Variants in RHOBTB1 observed in about 807,000 individuals in gnomAD.
RHOBTB1 encodes the protein Rho related BTB domain containing 1, also known as rho-related BTB domain-containing protein 1.
A neutral mutation model predicts 71.6 loss-of-function variants in RHOBTB1; 40 were observed. The ratio of observed to expected loss-of-function variants is 0.56; its 90% confidence interval spans 0.43 to 0.73. The LOEUF is 0.73. Among genes scored for constraint, RHOBTB1 ranks in the 30% least tolerant of loss-of-function variants. RHOBTB1 has a pLI of 0.00. For synonymous variants in RHOBTB1, 319 were observed against 334.9 expected (o/e 0.95, Z 0.52); for missense variants, 797 against 894.0 (o/e 0.89, Z 1.38).
In RHOBTB1 at chr10:60,870,687, T is replaced by C. The variant is rs771218001; in HGVS notation, c.*795A>G. 6.6e-6 allele frequency: 1 copy of C among 152,484 alleles called. No homozygotes were observed. The highest frequency in any genetic ancestry group is 1.5e-5 in the Non-Finnish European group (1 of 68,046). 9.4% of individuals were successfully genotyped at this position (152,484 alleles called of 1,614,324 possible). On this transcript the variant is annotated 3_prime_UTR_variant, in exon 11 of 11. Transcript: ENST00000337910. ...ACACCAGCGCACTAATGGTATCTTA[T>C]GTATTCAGGTCCACCAGTGAGTTTG...
At chr10:60,987,919 C>G (rs1396955060) in intron 1 of RHOBTB1, among the ~76,000 whole-genome samples, 1 of 53,684 alleles carries the variant, frequency 1.9e-5, no homozygotes, top group African/African-American at 7.3e-5. Flanking sequence ...AAATACTCAA[C>G]TTTTTTTTTT....
intron 4 of RHOBTB1, among the ~76,000 whole-genome samples, chr10:60,910,503 C>A (rs796836910): frequency 6.6e-6 from 1 of 152,030 alleles, no homozygotes; most frequent in African/African-American, 2.4e-5. Flanking sequence ...ATGAAAAGAC[C>A]AAACAGTCTT....
At chr10:60,865,628 T>C (rs2080632946), downstream of RHOBTB1, among the ~76,000 whole-genome samples, 1 of 152,234 alleles carries the variant, frequency 6.6e-6, no homozygotes, top group African/African-American at 2.4e-5. Flanking sequence ...GCCTCTCAGA[T>C]GGCAGGAAGC....
chr10:60,884,647 A>G lies in RHOBTB1; in HGVS notation c.1575+1465T>C, dbSNP rs531539122. On this transcript the variant is annotated intron_variant, in intron 7 of 10. Coordinates refer to ENST00000337910, the MANE Select transcript of RHOBTB1 (RefSeq NM_014836.5). ...GTACTTATACACAATGGGATACTAT[A>G]TAGCCCTAAAAAAGAGGAAAATTCT... Among the ~76,000 whole-genome samples the G allele has an allele frequency of 2.0e-5, 3 of 152,318 alleles. No individual in the cohort carries two copies. In the South Asian group the frequency reaches 6.2e-4, roughly 32 times the overall value.
chr10:60,982,989 C>A (rs10821864), intron 2 of RHOBTB1, among the ~76,000 whole-genome samples: 81,846 of 151,810 alleles, frequency 0.54, 22,361 homozygotes, highest in East Asian at 0.77. Flanking sequence ...GTCTTTTAAT[C>A]GACAGATTAA....
At chr10:60,886,745 C>T (rs1015550283) in intron 6 of RHOBTB1, among the ~76,000 whole-genome samples, 15 of 150,454 alleles carry the variant, frequency 1.0e-4, no homozygotes, top group African/African-American at 3.2e-4. Context: ...GCTATGTTGT[C>T]CAGGCTGGAT....
chr10:60,945,570 A>G (rs1295338551), upstream of RHOBTB1, among the ~76,000 whole-genome samples: 1 of 152,180 alleles, frequency 6.6e-6, no homozygotes, highest in African/African-American at 2.4e-5. Flanking sequence ...TCCAGCCAAG[A>G]TTCCCAGGTG....
At chr10:60,884,935 T>C (rs75824772) in intron 7 of RHOBTB1, among the ~76,000 whole-genome samples, 1 of 152,062 alleles carries the variant, frequency 6.6e-6, no homozygotes, top group Non-Finnish European at 1.5e-5. Context: ...CTTTTTTTTT[T>C]AGAGACAGGT....
At chr10:60,928,333 A>C (rs976626315) in intron 2 of RHOBTB1, among the ~76,000 whole-genome samples, 18 of 151,318 alleles carry the variant, frequency 1.2e-4, no homozygotes, top group African/African-American at 2.9e-4. Flanking sequence ...TCCAAAACAA[A>C]AAAAAAAAGA....
chr10:60,912,983 G>T (rs1310931954), intron 2 of RHOBTB1: 2 of 152,208 alleles, frequency 1.3e-5, no homozygotes, highest in Non-Finnish European at 2.9e-5. Context: ...TAAGGAGTCA[G>T]TAATGATTTT....
intron 2 of RHOBTB1, among the ~76,000 whole-genome samples, chr10:60,968,139 C>T (rs1032688134): frequency 6.6e-6 from 1 of 152,090 alleles, no homozygotes; most frequent in Non-Finnish European, 1.5e-5. Flanking sequence ...TCTTCACCAG[C>T]CAATTCAAAT....
In RHOBTB1 at chr10:60,871,662, A is replaced by G; in HGVS notation, c.1922-11T>C. 6.2e-7 allele frequency: 1 copy of G among 1,612,612 alleles called. No homozygotes were observed. Among genetic ancestry groups the G allele is most frequent in the Non-Finnish European group, 8.5e-7 (1 of 1,179,378 alleles). On this transcript the variant is annotated splice_polypyrimidine_tract_variant and intron_variant, in intron 10 of 10. Coordinates refer to ENST00000337910, the MANE Select transcript of RHOBTB1 (RefSeq NM_014836.5). ...AGTATTCCTGGTTGTCTGGTGAAGGAAAGATGCAGACCATAAGACCTGCGG... is the reference window on the plus strand; with the variant it reads ...AGTATTCCTGGTTGTCTGGTGAAGGGAAGATGCAGACCATAAGACCTGCGG...
chr10:60,921,911 C>A (rs2083586193), intron 2 of RHOBTB1, among the ~76,000 whole-genome samples: 1 of 152,170 alleles, frequency 6.6e-6, no homozygotes, highest in Non-Finnish European at 1.5e-5. Flanking sequence ...CATCAGTAAC[C>A]ATGGGAGCCA....
downstream of RHOBTB1, among the ~76,000 whole-genome samples, chr10:60,866,469 T>C (rs1375111190): frequency 2.6e-5 from 4 of 152,184 alleles, no homozygotes; most frequent in African/African-American, 9.7e-5. Flanking sequence ...TGGGAGTGGG[T>C]ATTTTGGAAG....
intron 4 of RHOBTB1, 108 bp from the exon 5 acceptor site, chr10:60,893,103 ATT>A: frequency 1.3e-6 from 1 of 781,234 alleles, no homozygotes; most frequent in African/African-American, 2.0e-5. Context: ...TCATGTCACA[ATT>A]AAAAAAAAAA....
At chr10:60,961,566 C>T (rs1231212726) in intron 2 of RHOBTB1, among the ~76,000 whole-genome samples, 1 of 152,082 alleles carries the variant, frequency 6.6e-6, no homozygotes, top group Non-Finnish European at 1.5e-5. Context: ...AGAATGAAAG[C>T]TTGTCTGAGA....
chr10:60,988,621 G>A (rs138665410), intron 1 of RHOBTB1, among the ~76,000 whole-genome samples: 14 of 152,162 alleles, frequency 9.2e-5, no homozygotes, highest in East Asian at 3.9e-4. Flanking sequence ...TCACATTGTC[G>A]CAAGGGACAT....
At chr10:60,895,638 G>A (rs190107375) in intron 4 of RHOBTB1, among the ~76,000 whole-genome samples, 83 of 152,224 alleles carry the variant, frequency 5.5e-4, no homozygotes, top group African/African-American at 1.9e-3. Flanking sequence ...TCCCCACCTC[G>A]GGTGATCCAC....
intron 1 of RHOBTB1, among the ~76,000 whole-genome samples, chr10:60,988,229 C>G (rs1418636380): frequency 6.6e-6 from 1 of 151,984 alleles, no homozygotes; most frequent in Non-Finnish European, 1.5e-5. Flanking sequence ...CCATCACGCC[C>G]GGCCTGAAAT....
Sources: gnomAD v4.1 joint callset for allele counts (sites outside exome capture counted in the v4.1 genomes callset) on GRCh38, gnomAD v4.1.1 for gene constraint, MANE v1.5 for transcripts, NCBI Gene and HGNC (gene_info 2026-07-23, HGNC 2026-07-21) for gene names.